CDC42SE2: variants seen among roughly 807,000 people sequenced by gnomAD.
The protein encoded by CDC42SE2 is CDC42 small effector protein 2.
CDC42SE2 carries 3 observed loss-of-function variants against 11.5 expected under a neutral mutation model. The ratio of observed to expected loss-of-function variants is 0.26; its 90% CI spans 0.12 to 0.67. The LOEUF (loss-of-function observed/expected upper bound fraction) is 0.67, where lower values mean the gene tolerates loss of function less well. CDC42SE2 is among the 30% of genes least tolerant of loss of function. CDC42SE2 has a pLI of 0.80. For missense variants in CDC42SE2, 82 were observed against 106.8 expected (o/e 0.77, Z 1.02); for synonymous variants, 33 against 34.8 (o/e 0.95, Z 0.18).
chr5:131,311,500 A>G (rs928414125), intron 1 of CDC42SE2, among the ~76,000 whole-genome samples: 2 of 151,560 alleles, frequency 1.3e-5, no homozygotes, highest in East Asian at 1.9e-4. Context: ...GCCTTGCTAG[A>G]TTGGGGAAGT....
Position 131,306,298 on chromosome 5 carries a change from G to A in CDC42SE2, c.-454-9678G>A, listed in dbSNP as rs980276600. Among the ~76,000 whole-genome samples the A allele has an allele frequency of 2.0e-5, 3 of 152,194 alleles. No homozygotes were observed. In the East Asian group the frequency reaches 5.8e-4, roughly 29 times the overall value. On this transcript the variant is annotated intron_variant, in intron 1 of 4. Transcript: ENST00000505065. The stretch of plus-strand genomic sequence containing the variant: ...GTATATCTAGGGTTCCTATCTGCAG[G>A]GGGTCTTGGAACGTATCCCTCACAG...
intron 1 of CDC42SE2, among the ~76,000 whole-genome samples, chr5:131,313,208 T>C (rs1757968246): frequency 6.6e-6 from 1 of 152,064 alleles, no homozygotes; most frequent in Non-Finnish European, 1.5e-5. Flanking sequence ...GGTCTCCATC[T>C]CCTGACCTCG....
chr5:131,333,003 T>C (rs1758458824), intron 2 of CDC42SE2, among the ~76,000 whole-genome samples: 1 of 150,544 alleles, frequency 6.6e-6, no homozygotes, highest in Non-Finnish European at 1.5e-5. Context: ...TTGGCTTTTG[T>C]TGCCATTGCT....
intron 2 of CDC42SE2, among the ~76,000 whole-genome samples, chr5:131,337,323 C>G (rs1758593615): frequency 1.3e-5 from 2 of 152,158 alleles, no homozygotes; most frequent in Non-Finnish European, 2.9e-5. Context: ...GATCGTTCGT[C>G]TGGAAGTTTT....
At chr5:131,358,612 G>C (rs141060782) in intron 2 of CDC42SE2, among the ~76,000 whole-genome samples, 1 of 152,126 alleles carries the variant, frequency 6.6e-6, no homozygotes, top group Non-Finnish European at 1.5e-5. Flanking sequence ...ACTAACATGC[G>C]TTCTAGTAAT....
chr5:131,359,694 T>A, intron 3 of CDC42SE2, 147 bp downstream of exon 3: 1 of 690,340 alleles, frequency 1.4e-6, no homozygotes, highest in Non-Finnish European at 2.6e-6. Context: ...TCCGAACATA[T>A]GTTTAAAAAG....
the CDC42SE2 span, among the ~76,000 whole-genome samples, chr5:131,233,244 T>A: frequency 6.6e-6 from 1 of 152,118 alleles, no homozygotes; most frequent in East Asian, 1.9e-4. Context: ...TTATAATTTA[T>A]ATAAATATTT....
chr5:131,368,974 C>T (rs996757161), intron 3 of CDC42SE2, among the ~76,000 whole-genome samples: 12 of 152,260 alleles, frequency 7.9e-5, no homozygotes, highest in African/African-American at 2.4e-4. Flanking sequence ...ACATATTACT[C>T]GTTAAGAAAT....
At chr5:131,271,846 C>T (rs562545469) in intron 1 of CDC42SE2, among the ~76,000 whole-genome samples, 2 of 152,226 alleles carry the variant, frequency 1.3e-5, no homozygotes, top group East Asian at 1.9e-4. Context: ...AAACCCTTAC[C>T]CCCACACCCT....
intron 2 of CDC42SE2, among the ~76,000 whole-genome samples, chr5:131,332,575 G>T (rs1396347629): frequency 6.6e-6 from 1 of 152,060 alleles, no homozygotes; most frequent in African/African-American, 2.4e-5. Context: ...CTAGTTTACA[G>T]TCCCACCAAC....
the CDC42SE2 span, among the ~76,000 whole-genome samples, chr5:131,237,562 AT>A: frequency 1.1e-4 from 16 of 151,776 alleles, no homozygotes; most frequent in African/African-American, 3.9e-4. Context: ...CATACATCAC[AT>A]TTTTTTTGCT....
At chr5:131,279,631 A>T (rs555605935) in intron 1 of CDC42SE2, among the ~76,000 whole-genome samples, 30 of 151,704 alleles carry the variant, frequency 2.0e-4, no homozygotes, top group Non-Finnish European at 2.4e-4. Flanking sequence ...TGTTTTCTCA[A>T]GTTTTTTCCT....
At chr5:131,249,438 A>G (rs548043974) in intron 1 of CDC42SE2, among the ~76,000 whole-genome samples, 3 of 152,330 alleles carry the variant, frequency 2.0e-5, no homozygotes, top group South Asian at 2.1e-4. Flanking sequence ...AAATTAACCA[A>G]TGAAACAGAA....
At chr5:131,219,689 C>A in the CDC42SE2 span, among the ~76,000 whole-genome samples, 2 of 152,178 alleles carry the variant, frequency 1.3e-5, no homozygotes, top group East Asian at 1.9e-4. Flanking sequence ...ATAATCCCAA[C>A]GCTTTGGGAG....
intron 3 of CDC42SE2, among the ~76,000 whole-genome samples, chr5:131,364,785 G>A (rs1179017401): frequency 6.6e-6 from 1 of 152,144 alleles, no homozygotes; most frequent in Non-Finnish European, 1.5e-5. Flanking sequence ...TTGTTCTGAT[G>A]TATAGTTTTA....
chr5:131,329,610 A>G (rs1758372969), intron 2 of CDC42SE2, among the ~76,000 whole-genome samples: 1 of 152,020 alleles, frequency 6.6e-6, no homozygotes. Flanking sequence ...TGGGCGCGGT[A>G]GCTCACACCT....
chr5:131,344,347 A>G (rs557064435), intron 2 of CDC42SE2, among the ~76,000 whole-genome samples: 2 of 152,262 alleles, frequency 1.3e-5, no homozygotes, highest in African/African-American at 4.8e-5. Flanking sequence ...ACACCAGGAG[A>G]TTATATCCTG....
intron 1 of CDC42SE2, among the ~76,000 whole-genome samples, chr5:131,254,590 A>G (rs1756665642): frequency 1.3e-5 from 2 of 151,924 alleles, no homozygotes; most frequent in South Asian, 4.1e-4. Context: ...AAGAAAAGAA[A>G]TAGTAAGTCT....
chr5:131,283,517 G>A (rs982159551), intron 1 of CDC42SE2, among the ~76,000 whole-genome samples: 4 of 150,630 alleles, frequency 2.7e-5, no homozygotes, highest in African/African-American at 9.8e-5. Context: ...TTTTGAGATG[G>A]AGTTTCGCTC....
Sources: allele counts gnomAD v4.1 joint callset (sites outside exome capture counted in the v4.1 genomes callset), GRCh38; gene constraint gnomAD v4.1.1; transcripts MANE v1.5; gene names NCBI Gene and HGNC (gene_info 2026-07-23, HGNC 2026-07-21).